AMPH: variants seen among roughly 807,000 people sequenced by gnomAD.
AMPH encodes amphiphysin (Stiff-Mann syndrome with breast cancer 128kD autoantigen).
AMPH carries 49 observed loss-of-function variants against 99.1 expected under a neutral mutation model. The ratio of observed to expected loss-of-function variants is 0.49; its 90% CI spans 0.39 to 0.63. AMPH has a LOEUF of 0.63. AMPH is among the 20% of genes least tolerant of loss of function. The pLI is 0.00. For missense variants in AMPH, 759 were observed against 863.4 expected (o/e 0.88, Z 1.52); for synonymous variants, 314 against 317.3 (o/e 0.99, Z 0.11).
rs542940347 is a variant in AMPH at position 38,568,963 on chromosome 7, A to G, written c.70-33952T>C. Among the ~76,000 whole-genome samples the G allele has an allele frequency of 2.6e-5, 4 of 152,330 alleles. No homozygotes were observed. In the South Asian group the frequency reaches 8.3e-4, roughly 32 times the overall value. On this transcript the variant is annotated intron_variant, in intron 1 of 20. Transcript: ENST00000356264. ...GATGCTATTATTATTGAGTTATATA[A>G]AAACTGATGCTTAGAGAGGCACAAG...
intron 11 of AMPH, among the ~76,000 whole-genome samples, chr7:38,459,643 G>A (rs1787364530): frequency 6.6e-6 from 1 of 152,008 alleles, no homozygotes; most frequent in Admixed American, 6.5e-5. Flanking sequence ...ATATCTATAT[G>A]CAGAAAAATA....
At chr7:38,496,651 G>A (rs1788944298) in intron 3 of AMPH, among the ~76,000 whole-genome samples, 1 of 152,092 alleles carries the variant, frequency 6.6e-6, no homozygotes. Context: ...ACACTGAGGT[G>A]GAAGCTACAT....
chr7:38,618,556 C>T (rs190979450), intron 1 of AMPH, among the ~76,000 whole-genome samples: 25 of 151,550 alleles, frequency 1.6e-4, no homozygotes, highest in African/African-American at 5.1e-4. Context: ...ATCTTGTTGA[C>T]GAACATAAAA....
chr7:38,558,561 G>A (rs1398810830), intron 1 of AMPH, among the ~76,000 whole-genome samples: 1 of 152,200 alleles, frequency 6.6e-6, no homozygotes, highest in Non-Finnish European at 1.5e-5. Flanking sequence ...AAGATGGTGG[G>A]AAAGACAGGA....
chr7:38,556,067 C>A (rs985593295), intron 1 of AMPH, among the ~76,000 whole-genome samples: 1 of 151,782 alleles, frequency 6.6e-6, no homozygotes, highest in African/African-American at 2.4e-5. Flanking sequence ...TATACCCAGG[C>A]AACAAACCTG....
intron 1 of AMPH, among the ~76,000 whole-genome samples, chr7:38,603,822 T>C (rs969508737): frequency 2.7e-4 from 41 of 152,094 alleles, no homozygotes; most frequent in African/African-American, 8.7e-4. Flanking sequence ...GGTCCCAGAG[T>C]GGACAATGCT....
chr7:38,591,208 A>G (rs1221576847), intron 1 of AMPH, among the ~76,000 whole-genome samples: 1 of 152,120 alleles, frequency 6.6e-6, no homozygotes, highest in Non-Finnish European at 1.5e-5. Flanking sequence ...ATTATGCCAA[A>G]CTGTCTTTCT....
intron 1 of AMPH, among the ~76,000 whole-genome samples, chr7:38,610,378 G>A (rs1472270650): frequency 4.4e-5 from 2 of 45,456 alleles, no homozygotes; most frequent in Non-Finnish European, 9.5e-5. Flanking sequence ...GAAAAGAAAG[G>A]AAAGGAAAAG....
intron 1 of AMPH, among the ~76,000 whole-genome samples, chr7:38,558,414 T>C (rs144422035): frequency 2.5e-4 from 38 of 152,300 alleles, no homozygotes; most frequent in Non-Finnish European, 3.4e-4. Context: ...GCTCTGCAAT[T>C]AGCGGTCTGG....
intron 1 of AMPH, among the ~76,000 whole-genome samples, chr7:38,593,445 G>A (rs1478577548): frequency 6.6e-6 from 1 of 152,210 alleles, no homozygotes; most frequent in African/African-American, 2.4e-5. Context: ...TACATCCAAA[G>A]GGTAACAAGC....
chr7:38,394,638 C>T (rs921729054), intron 17 of AMPH, among the ~76,000 whole-genome samples: 1 of 152,176 alleles, frequency 6.6e-6, no homozygotes. Flanking sequence ...GAAAGCTAAG[C>T]TTGGGAACGG....
At chr7:38,591,290 C>CTTTTTT (rs67135369) in intron 1 of AMPH, among the ~76,000 whole-genome samples, 2 of 138,744 alleles carry the variant, frequency 1.4e-5, no homozygotes, top group Admixed American at 7.2e-5. Context: ...TTTTCTTTTT[C>CTTTTTT]TTTTTTTTTT....
intron 1 of AMPH, among the ~76,000 whole-genome samples, chr7:38,555,952 G>A (rs1480919230): frequency 1.3e-5 from 2 of 151,992 alleles, no homozygotes; most frequent in African/African-American, 4.8e-5. Flanking sequence ...CAGACAATGG[G>A]GACTCCTAGA....
intron 12 of AMPH, among the ~76,000 whole-genome samples, chr7:38,435,405 G>A (rs1786222545): frequency 6.6e-6 from 1 of 152,174 alleles, no homozygotes; most frequent in African/African-American, 2.4e-5. Context: ...TTAATTCCTA[G>A]GTTGAATGTT....
At chr7:38,395,723 T>C (rs868692262) in intron 17 of AMPH, among the ~76,000 whole-genome samples, 1 of 152,204 alleles carries the variant, frequency 6.6e-6, no homozygotes, top group East Asian at 1.9e-4. Flanking sequence ...CAGTTCAACA[T>C]CTTAAGTTAG....
At chr7:38,539,863 G>A (rs1027340194) in intron 1 of AMPH, among the ~76,000 whole-genome samples, 11 of 152,174 alleles carry the variant, frequency 7.2e-5, no homozygotes, top group Admixed American at 6.5e-5. Context: ...CAATGGAGGT[G>A]GGAAGACTGA....
intron 17 of AMPH, among the ~76,000 whole-genome samples, chr7:38,416,524 T>C (rs1785391222): frequency 6.6e-6 from 1 of 152,166 alleles, no homozygotes; most frequent in African/African-American, 2.4e-5. Flanking sequence ...ATCAAAACAA[T>C]TTCCCTCAAA....
intron 2 of AMPH, among the ~76,000 whole-genome samples, chr7:38,516,583 T>C (rs960347792): frequency 2.0e-5 from 3 of 152,234 alleles, no homozygotes; most frequent in Non-Finnish European, 4.4e-5. Flanking sequence ...GAACCTCTAC[T>C]AGGGCAGTGC....
chr7:38,627,269 C>A (rs753719348), intron 1 of AMPH, among the ~76,000 whole-genome samples: 1 of 151,740 alleles, frequency 6.6e-6, no homozygotes, highest in Non-Finnish European at 1.5e-5. Context: ...GGAGGCCGGG[C>A]GCGGTGGCTC....
Sources: gnomAD v4.1 joint callset for allele counts (sites outside exome capture counted in the v4.1 genomes callset) on GRCh38, gnomAD v4.1.1 for gene constraint, MANE v1.5 for transcripts, NCBI Gene and HGNC (gene_info 2026-07-23, HGNC 2026-07-21) for gene names.